The following SDK1 variants were observed in gnomAD, a reference collection of about 807,000 sequenced individuals.
SDK1 encodes protein sidekick-1.
A neutral mutation model predicts 245.5 loss-of-function variants in SDK1; 157 were observed. The observed-to-expected ratio is 0.64, with a 90% CI of 0.56 to 0.73. The LOEUF is 0.73. Ranked by LOEUF, SDK1 falls within the 30% of genes least tolerant of loss-of-function variation. The pLI is 0.00. For synonymous variants in SDK1, 1,647 were observed against 1,278.5 expected, an observed-to-expected ratio of 1.29 and a Z score of -6.15; for missense variants, 3,583 against 3,002.3, an observed-to-expected ratio of 1.19 and a Z score of -4.52.
chr7:3,313,681 G>C (rs1391599126), intron 1 of SDK1, among the ~76,000 whole-genome samples: 2 of 152,136 alleles, frequency 1.3e-5, no homozygotes, highest in African/African-American at 4.8e-5. Context: ...GACGGGTTTG[G>C]GAGATGTTGG....
chr7:3,653,717 C>G (rs181163718), intron 4 of SDK1, among the ~76,000 whole-genome samples: 1 of 152,126 alleles, frequency 6.6e-6, no homozygotes, highest in South Asian at 2.1e-4. Context: ...GTTGGGAGTG[C>G]TGGCTCACAG....
chr7:3,487,607 T>C (rs1781740096), intron 1 of SDK1, among the ~76,000 whole-genome samples: 1 of 151,734 alleles, frequency 6.6e-6, no homozygotes, highest in Non-Finnish European at 1.5e-5. Context: ...CCCAAAAAAT[T>C]AGCCAGGCAT....
At chr7:3,812,496 A>C (rs999836286) in intron 4 of SDK1, among the ~76,000 whole-genome samples, 1 of 152,342 alleles carries the variant, frequency 6.6e-6, no homozygotes, top group East Asian at 1.9e-4. Flanking sequence ...GAAGAGTTGG[A>C]TAGAAGGTGA....
At chr7:4,178,396 C>T (rs1782379909) in intron 34 of SDK1, 89 bp from the exon 35 acceptor site, 2 of 946,752 alleles carry the variant, frequency 2.1e-6, no homozygotes, top group African/African-American at 1.6e-5. Context: ...GAGGGTGCTC[C>T]TTGCTTCATT....
At chr7:3,913,622 C>G (rs2128109866) in intron 5 of SDK1, among the ~76,000 whole-genome samples, 1 of 152,154 alleles carries the variant, frequency 6.6e-6, no homozygotes, top group South Asian at 2.1e-4. Context: ...TCCCCTCATC[C>G]ATTCTTTTCT....
intron 1 of SDK1, among the ~76,000 whole-genome samples, chr7:3,362,562 T>A (rs1476158305): frequency 1.3e-5 from 2 of 151,342 alleles, no homozygotes; most frequent in East Asian, 1.9e-4. Flanking sequence ...AACTTAAAAA[T>A]TTTTTAAAGC....
At chr7:4,254,317 G>A (rs1418544592) in intron 44 of SDK1, among the ~76,000 whole-genome samples, 1 of 152,014 alleles carries the variant, frequency 6.6e-6, no homozygotes, top group South Asian at 2.1e-4. Context: ...ATTTTTAAAA[G>A]TCTTTTCTTC....
intron 5 of SDK1, among the ~76,000 whole-genome samples, chr7:3,905,117 C>CT (rs879375368): frequency 1.2e-3 from 181 of 148,848 alleles, no homozygotes; most frequent in African/African-American, 3.0e-3. Context: ...TAATCAGCAC[C>CT]TTTTTTTTTT....
intron 2 of SDK1, among the ~76,000 whole-genome samples, chr7:3,636,090 C>T (rs1162822980): frequency 6.6e-6 from 1 of 152,166 alleles, no homozygotes; most frequent in Non-Finnish European, 1.5e-5. Context: ...CTGTACATAT[C>T]TAATGTATAC....
chr7:3,980,005 C>G (rs1783270838), intron 13 of SDK1, among the ~76,000 whole-genome samples: 1 of 152,174 alleles, frequency 6.6e-6, no homozygotes, highest in Non-Finnish European at 1.5e-5. Context: ...CCAGTTCTGA[C>G]AGAGCCCTCG....
intron 5 of SDK1, among the ~76,000 whole-genome samples, chr7:3,905,262 A>T (rs1349397215): frequency 3.9e-5 from 6 of 152,102 alleles, no homozygotes; most frequent in African/African-American, 1.4e-4. Flanking sequence ...CATTTAAACG[A>T]CTTTCACTAT....
intron 4 of SDK1, among the ~76,000 whole-genome samples, chr7:3,749,214 G>A (rs995359404): frequency 9.2e-5 from 14 of 152,028 alleles, no homozygotes; most frequent in African/African-American, 3.4e-4. Context: ...TCTGCTCACT[G>A]CAACCTCCGC....
chr7:3,392,516 C>G (rs193063651), intron 1 of SDK1, among the ~76,000 whole-genome samples: 15 of 152,042 alleles, frequency 9.9e-5, no homozygotes, highest in Non-Finnish European at 1.8e-4. Flanking sequence ...CAGTGACATT[C>G]ATTGTATTCA....
intron 32 of SDK1, among the ~76,000 whole-genome samples, chr7:4,170,190 A>C (rs1781750798): frequency 6.6e-6 from 1 of 152,208 alleles, no homozygotes; most frequent in South Asian, 2.1e-4. Flanking sequence ...CCATGAGATA[A>C]CCAGGGCTAG....
chr7:3,971,540 G>T lies in SDK1; in HGVS notation c.1789G>T (p.Ala597Ser). Residue 597 changes from alanine to serine, a missense_variant, in exon 12 of 45, where the codon GCC becomes TCC. Coordinates refer to ENST00000404826, the MANE Select transcript of SDK1 (RefSeq NM_152744.4). Reference protein sequence around the residue: ...KGTTATLHCGATHDPRVSLRY... With the variant: ...KGTTATLHCGSTHDPRVSLRY... ...GACCACGGCCACGCTGCACTGTGGT[G>T]CCACACATGACCCCCGGGTTTCACT... 6.2e-7 allele frequency: 1 copy of T among 1,613,318 alleles called. No homozygotes were observed. Among genetic ancestry groups the T allele is most frequent in the Non-Finnish European group, 8.5e-7 (1 of 1,179,588 alleles).
intron 1 of SDK1, among the ~76,000 whole-genome samples, chr7:3,355,892 C>T (rs1159153907): frequency 2.6e-5 from 4 of 152,150 alleles, no homozygotes; most frequent in South Asian, 2.1e-4. Flanking sequence ...GAACTTGATC[C>T]TGCTGTTTGT....
chr7:3,451,013 C>G (rs977165145), intron 1 of SDK1, among the ~76,000 whole-genome samples: 1 of 152,108 alleles, frequency 6.6e-6, no homozygotes, highest in African/African-American at 2.4e-5. Context: ...ATCCTCAAAC[C>G]TGTCTCCTGG....
chr7:4,057,019 G>A (rs1779247007), intron 19 of SDK1, among the ~76,000 whole-genome samples: 1 of 152,136 alleles, frequency 6.6e-6, no homozygotes, highest in South Asian at 2.1e-4. Flanking sequence ...TGGGGCTGCT[G>A]GGCATTTTCA....
chr7:3,987,081 T>A lies in SDK1; in HGVS notation c.1995-105T>A. The A allele has an allele frequency of 2.7e-6, 3 of 1,129,294 alleles. No homozygotes were observed. In the African/African-American group the frequency reaches 4.7e-5, roughly 18 times the overall value. 70.0% of individuals were successfully genotyped at this position (1,129,294 alleles called of 1,614,324 possible). The stretch of plus-strand genomic sequence containing the variant: ...TTTGGGCATATTTTATGTTATTCAT[T>A]TCCCAAACATGACACAGCAGGACGG... On this transcript the variant is annotated intron_variant, in intron 13 of 44. Coordinates refer to ENST00000404826, the MANE Select transcript of SDK1 (RefSeq NM_152744.4).
Sources: gnomAD v4.1 joint callset for allele counts (sites outside exome capture counted in the v4.1 genomes callset) on GRCh38, gnomAD v4.1.1 for gene constraint, MANE v1.5 for transcripts, NCBI Gene and HGNC (gene_info 2026-07-23, HGNC 2026-07-21) for gene names.